LUC7L2: variants seen among roughly 807,000 people sequenced by gnomAD.
LUC7L2 encodes LUC7 like 2, pre-mRNA splicing factor.
In LUC7L2, 25 loss-of-function variants were observed where a neutral mutation model predicts 52.8. That is an observed-to-expected ratio of 0.47 (90% confidence interval 0.34 to 0.66). The LOEUF is 0.66. LUC7L2 is among the 30% of genes least tolerant of loss of function. LUC7L2 has a pLI of 0.01. For missense variants in LUC7L2, 328 were observed against 497.8 expected (o/e 0.66, Z 3.25); for synonymous variants, 144 against 160.9 (o/e 0.89, Z 0.80).
Position 139,405,582 on chromosome 7 carries a change from A to C in LUC7L2, c.367-62A>C, listed in dbSNP as rs1005885535. 8 of 1,505,746 alleles carry C rather than the reference A, an allele frequency of 5.3e-6. No homozygotes were observed. In the Admixed American group the frequency reaches 1.5e-4, roughly 28 times the overall value. 93.3% of individuals were successfully genotyped at this position (1,505,746 alleles called of 1,614,324 possible). On this transcript the variant is annotated intron_variant, in intron 4 of 9. Coordinates refer to ENST00000354926, the MANE Select transcript of LUC7L2 (RefSeq NM_016019.5). The stretch of plus-strand genomic sequence containing the variant: ...AGTTTTTTCTCAGCAGTTCTGAAAT[A>C]CTTTGAAATTTAAAATTCATTCTCT...
At position 139,360,080 on chromosome 7, in the gene LUC7L2, G is replaced by A; in HGVS notation, c.-182G>A. ...GGCTGTCGTCTTCCACGTACACGTC[G>A]TCGTGAGGAGCGCAGTCCGGACTCT... On this transcript the variant is annotated 5_prime_UTR_variant, in exon 1 of 10. Coordinates refer to ENST00000354926, the MANE Select transcript of LUC7L2 (RefSeq NM_016019.5). 1 of 553,012 alleles carries A rather than the reference G, an allele frequency of 1.8e-6. No individual in the cohort carries two copies. The highest frequency in any genetic ancestry group is 2.2e-5 in the South Asian group (1 of 46,302). The allele number at this position is 553,012 out of a possible 1,614,324, so 34.3% of individuals were successfully genotyped here.
chr7:139,407,406 T>C, intron 6 of LUC7L2, 56 bp downstream of exon 6: 2 of 1,533,934 alleles, frequency 1.3e-6, no homozygotes, highest in African/African-American at 2.8e-5. Flanking sequence ...TCTGTATCAG[T>C]TGCCTTTTTG....
chr7:139,358,750 TCTCGA>T (rs1389379850), upstream of LUC7L2, among the ~76,000 whole-genome samples: 1 of 152,230 alleles, frequency 6.6e-6, no homozygotes, highest in Non-Finnish European at 1.5e-5. Flanking sequence ...AGTGGCGTCA[TCTCGA>T]CTCACTGCAA....
At chr7:139,413,278 G>A (rs4732376) in intron 8 of LUC7L2, among the ~76,000 whole-genome samples, 58,387 of 152,060 alleles carry the variant, frequency 0.38, 15,629 homozygotes, top group African/African-American at 0.76. Context: ...TTCTTTCTCA[G>A]TTCTTCACTT....
intron 8 of LUC7L2, among the ~76,000 whole-genome samples, chr7:139,413,820 A>T (rs6974099): frequency 0.38 from 58,371 of 152,032 alleles, 15,623 homozygotes; most frequent in African/African-American, 0.76. Context: ...AGCAACATCT[A>T]TCAATGATAT....
upstream of LUC7L2, among the ~76,000 whole-genome samples, chr7:139,358,864 A>G (rs1347943034): frequency 6.6e-6 from 1 of 152,126 alleles, no homozygotes; most frequent in Non-Finnish European, 1.5e-5. Flanking sequence ...TATTTTTAGT[A>G]GAGACAGGGT....
At chr7:139,341,661 C>A in intron 1 of LUC7L2, 1 of 1,401,934 alleles carries the variant, frequency 7.1e-7, no homozygotes, top group East Asian at 2.6e-5. Context: ...CTGACCAAAC[C>A]AACCCAGGCC....
intron 1 of LUC7L2, among the ~76,000 whole-genome samples, chr7:139,366,315 A>G (rs1800151345): frequency 6.6e-6 from 1 of 152,142 alleles, no homozygotes; most frequent in Non-Finnish European, 1.5e-5. Flanking sequence ...GAATATGGTA[A>G]ATGGTTTTTG....
At chr7:139,406,441 T>C (rs1244495575) in intron 5 of LUC7L2, among the ~76,000 whole-genome samples, 3 of 151,118 alleles carry the variant, frequency 2.0e-5, no homozygotes, top group African/African-American at 7.3e-5. Context: ...AAACCTCTGC[T>C]TCCTGGGTTC....
intron 1 of LUC7L2, among the ~76,000 whole-genome samples, chr7:139,372,957 A>C (rs368446146): frequency 1.2e-4 from 19 of 152,330 alleles, no homozygotes; most frequent in African/African-American, 4.3e-4. Flanking sequence ...GTGACAGGAT[A>C]CTTTTTCCCC....
chr7:139,359,536 T>C, upstream of LUC7L2: 1 of 278,262 alleles, frequency 3.6e-6, no homozygotes, highest in Non-Finnish European at 6.7e-6. Flanking sequence ...CTGACCGCAG[T>C]CCGGTCGACG....
chr7:139,369,892 T>A (rs1416393640), intron 1 of LUC7L2, among the ~76,000 whole-genome samples: 2 of 152,230 alleles, frequency 1.3e-5, no homozygotes, highest in Non-Finnish European at 2.9e-5. Flanking sequence ...ATAGCTTTTC[T>A]GAGCTGTATA....
intron 4 of LUC7L2, among the ~76,000 whole-genome samples, chr7:139,404,231 C>T (rs66491565): frequency 2.0e-5 from 3 of 152,008 alleles, no homozygotes; most frequent in Admixed American, 6.6e-5. Context: ...AACCTTCGGC[C>T]GGGCGTGGTG....
chr7:139,360,205 C>T lies in LUC7L2; in HGVS notation c.-57C>T. ...CCCATCCCTTCCCCTTATCCCCCAGCCCAAAAGGGCCCGGTCTGCGCCCCA... is the reference window on the plus strand; with the variant it reads ...CCCATCCCTTCCCCTTATCCCCCAGTCCAAAAGGGCCCGGTCTGCGCCCCA... On this transcript the variant is annotated 5_prime_UTR_variant, in exon 1 of 10. Coordinates refer to ENST00000354926, the MANE Select transcript of LUC7L2 (RefSeq NM_016019.5). 9.9e-6 allele frequency: 14 copies of T among 1,409,174 alleles called. No individual in the cohort carries two copies. The highest frequency in any genetic ancestry group is 2.5e-5 in the South Asian group (2 of 80,958). 87.3% of individuals were successfully genotyped at this position (1,409,174 alleles called of 1,614,324 possible). A position where few individuals can be genotyped will look rare whatever the true frequency, so the allele number is the denominator to read the frequency against.
intron 1 of LUC7L2, chr7:139,341,375 G>C: frequency 6.2e-7 from 1 of 1,610,924 alleles, no homozygotes. Context: ...GCTCGGAGAA[G>C]GACAGGACAA....
rs575916102 is a variant in LUC7L2, at chr7:139,341,169, A to G, written c.-26+652A>G. 19 of 683,162 alleles carry G rather than the reference A, an allele frequency of 2.8e-5. No individual in the cohort carries two copies. In the East Asian group the frequency reaches 6.1e-4, roughly 22 times the overall value. The allele number at this position is 683,162 out of a possible 1,614,324, so 42.3% of individuals were successfully genotyped here. A position where few individuals can be genotyped will look rare whatever the true frequency, so the allele number is the denominator to read the frequency against. On this transcript the variant is annotated intron_variant, in intron 1 of 10. Transcript: ENST00000541170. ...CTGGGTTAGAGGTCCTGGTACCTTC[A>G]GTTAACAGTCGGGTTTCGTTTGATT...
At chr7:139,358,621 AT>A (rs1451609121), upstream of LUC7L2, among the ~76,000 whole-genome samples, 2 of 151,976 alleles carry the variant, frequency 1.3e-5, no homozygotes, top group African/African-American at 4.8e-5. Flanking sequence ...TAACTCATTC[AT>A]TTTTCTTACA....
Position 139,410,650 on chromosome 7 carries a change from A to G in LUC7L2, c.779+996A>G, listed in dbSNP as rs115161708. On this transcript the variant is annotated intron_variant, in intron 7 of 9. Coordinates refer to ENST00000354926, the MANE Select transcript of LUC7L2 (RefSeq NM_016019.5). ...TCACAAATGATTTGCCTGTAGTCCTAATTTATAGTGTTCCTTGAATCATAC... is the reference window on the plus strand; with the variant it reads ...TCACAAATGATTTGCCTGTAGTCCTGATTTATAGTGTTCCTTGAATCATAC... Among the ~76,000 whole-genome samples the G allele has an allele frequency of 3.5e-3, 539 of 152,284 alleles. 5 individuals carry two copies. The highest frequency in any genetic ancestry group is 0.012 in the African/African-American group (498 of 41,556).
In LUC7L2 at chr7:139,422,359, T is replaced by C; in HGVS notation, c.*19T>C. The C allele has an allele frequency of 6.3e-7, 1 of 1,599,070 alleles. No individual in the cohort carries two copies. Among genetic ancestry groups the C allele is most frequent in the African/African-American group, 1.3e-5 (1 of 74,342 alleles). On this transcript the variant is annotated 3_prime_UTR_variant, in exon 10 of 10. Transcript: ENST00000354926. The stretch of plus-strand genomic sequence containing the variant: ...GATCTAACTAGCTGTGTACATTTCT[T>C]CAGTCCTTAAGCTTCCTACGGAGTT...
Sources: allele counts gnomAD v4.1 joint callset (sites outside exome capture counted in the v4.1 genomes callset), GRCh38; gene constraint gnomAD v4.1.1; transcripts MANE v1.5; gene names NCBI Gene and HGNC (gene_info 2026-07-23, HGNC 2026-07-21).